Variants in UNC13B observed in about 807,000 individuals in gnomAD.
The protein encoded by UNC13B is protein unc-13 homolog B.
Under a neutral mutation model 211.0 loss-of-function variants are expected in UNC13B, and 144 were observed. The observed-to-expected ratio is 0.68, with a 90% confidence interval of 0.60 to 0.78. UNC13B has a LOEUF of 0.78. UNC13B is among the 30% of genes least tolerant of loss of function. The pLI is 0.00. For missense variants in UNC13B, 1,777 were observed against 2,002.0 expected, an observed-to-expected ratio of 0.89 and a Z score of 2.14; for synonymous variants, 709 against 725.8, an observed-to-expected ratio of 0.98 and a Z score of 0.37.
At chr9:35,385,910 G>C (rs1835158855) in intron 23 of UNC13B, 97 bp downstream of exon 23, 1 of 1,492,114 alleles carries the variant, frequency 6.7e-7, no homozygotes, top group Non-Finnish European at 9.1e-7. Context: ...GAGGCTACAG[G>C]ATTCATCACC....
chr9:35,400,422 G>C lies in UNC13B; in HGVS notation c.12463G>C (p.Val4155Leu). 1 of 1,613,404 alleles carries C rather than the reference G, an allele frequency of 6.2e-7. No individual in the cohort carries two copies. Among genetic ancestry groups the C allele is most frequent in the Non-Finnish European group, 8.5e-7 (1 of 1,179,680 alleles). The change falls in exon 37 of 40, where the codon GTG (valine) becomes CTG (leucine). Residue 4155 changes from valine (V) to leucine (L), a missense_variant. Transcript: ENST00000635942. ...TACTGACACTCTCATCAAGACCTTT[G>C]TGCGCTCGCAGACCACCCAAGGTAA... ...QTTDTLIKTF[V>L]RSQTTQGSGV...
Position 35,282,138 on chromosome 9 carries a change from A to G in UNC13B, c.527-13558A>G, listed in dbSNP as rs532769329. On this transcript the variant is annotated intron_variant, in intron 7 of 39. Transcript: ENST00000635942. ...CTGCATTAAAAATCTTTTTAATGGT[A>G]GAATATAACACAGATATATAGACAA... 2.0e-5 allele frequency among the ~76,000 whole-genome samples: 3 copies of G among 152,358 alleles called. No individual in the cohort carries two copies. The South Asian group carries it at 6.2e-4, about 32-fold the overall frequency.
At position 35,308,203 on chromosome 9, in the gene UNC13B, A is replaced by G. The variant is rs1329058237; in HGVS notation, c.8799A>G (p.Ala2933=). 2.5e-6 allele frequency: 1 copy of G among 399,668 alleles called. No homozygotes were observed. Among genetic ancestry groups the G allele is most frequent in the East Asian group, 3.6e-5 (1 of 28,112 alleles). The allele number at this position is 399,668 out of a possible 1,614,324, so 24.8% of individuals were successfully genotyped here. Residue 2933 remains alanine (A), a synonymous_variant, in exon 9 of 40, where the codon GCA becomes GCG. Transcript: ENST00000635942. The stretch of plus-strand genomic sequence containing the variant: ...GGGGAAACCAGCAGGAAATCTCAGC[A>G]TCTGGAGAACACTGGGATACCAAAG... ...GEGGNQQEIS[A]SGEHWDTKAN...
rs1836540299 is a variant in UNC13B, at chr9:35,404,243, G to A, written c.*210G>A. 3.2e-6 allele frequency: 2 copies of A among 634,658 alleles called. No individual in the cohort carries two copies. The highest frequency in any genetic ancestry group is 1.8e-5 in the African/African-American group (1 of 54,724). 39.3% of individuals were successfully genotyped at this position (634,658 alleles called of 1,614,324 possible). A position where few individuals can be genotyped will look rare whatever the true frequency, so the allele number is the denominator to read the frequency against. ...GGCCCAACAGGACTGTGGTACTAGG[G>A]GCTGGGATGTGGGGTTACCACATGG... is the stretch of plus-strand genomic sequence containing the variant. On this transcript the variant is annotated 3_prime_UTR_variant, in exon 40 of 40. Transcript: ENST00000635942.
chr9:35,271,175 A>G (rs913802949), intron 7 of UNC13B, among the ~76,000 whole-genome samples: 1 of 148,534 alleles, frequency 6.7e-6, no homozygotes, highest in Non-Finnish European at 1.5e-5. Flanking sequence ...TTCTCCCCCC[A>G]TTAAATTGCC....
chr9:35,331,066 A>T (rs1346663746), intron 11 of UNC13B, among the ~76,000 whole-genome samples: 1 of 152,164 alleles, frequency 6.6e-6, no homozygotes, highest in Non-Finnish European at 1.5e-5. Flanking sequence ...AGTAATAAGC[A>T]AAGCATCCTT....
chr9:35,249,148 G>A (rs1269862976), intron 6 of UNC13B, among the ~76,000 whole-genome samples: 1 of 152,122 alleles, frequency 6.6e-6, no homozygotes, highest in African/African-American at 2.4e-5. Flanking sequence ...TTGGTTTAAA[G>A]TCTGTTTTAT....
chr9:35,403,115 T>C, intron 37 of UNC13B, 52 bp from the exon 38 acceptor site: 1 of 1,582,502 alleles, frequency 6.3e-7, no homozygotes. Flanking sequence ...ACCCCTCAGG[T>C]TTACCTCCTA....
At chr9:35,279,455 GT>G (rs943441964) in intron 7 of UNC13B, among the ~76,000 whole-genome samples, 16 of 151,494 alleles carry the variant, frequency 1.1e-4, no homozygotes, top group Admixed American at 2.0e-4. Flanking sequence ...GATGAAATAT[GT>G]TTTTTTTTAA....
At chr9:35,274,186 T>C (rs1828045141) in intron 7 of UNC13B, among the ~76,000 whole-genome samples, 1 of 152,194 alleles carries the variant, frequency 6.6e-6, no homozygotes, top group East Asian at 1.9e-4. Flanking sequence ...TCAGGAGATA[T>C]ATCTCTTAGA....
intron 11 of UNC13B, among the ~76,000 whole-genome samples, chr9:35,365,241 CT>C (rs897429370): frequency 1.3e-5 from 2 of 152,204 alleles, no homozygotes; most frequent in African/African-American, 4.8e-5. Context: ...ACTGTGAATC[CT>C]CCTCAGATGA....
intron 1 of UNC13B, among the ~76,000 whole-genome samples, chr9:35,217,382 T>G (rs187219712): frequency 6.6e-6 from 1 of 151,586 alleles, no homozygotes; most frequent in Admixed American, 6.6e-5. Context: ...ATTTCTTGTT[T>G]GTTTGTTTTT....
intron 7 of UNC13B, among the ~76,000 whole-genome samples, chr9:35,265,528 ATGT>A (rs1827520063): frequency 6.6e-6 from 1 of 152,240 alleles, no homozygotes; most frequent in Admixed American, 6.5e-5. Context: ...TGTATACACT[ATGT>A]AAATGCATCT....
At chr9:35,287,616 T>G (rs923259328) in intron 7 of UNC13B, among the ~76,000 whole-genome samples, 1 of 152,254 alleles carries the variant, frequency 6.6e-6, no homozygotes, top group Non-Finnish European at 1.5e-5. Flanking sequence ...CTTCATATAG[T>G]CTTTTTTTCT....
chr9:35,385,441 T>A, intron 22 of UNC13B: 2 of 985,482 alleles, frequency 2.0e-6, no homozygotes, highest in Non-Finnish European at 2.4e-6. Flanking sequence ...TGTGCCTGTG[T>A]GTTCCTTTGT....
chr9:35,353,746 G>GA, intron 11 of UNC13B: 1 of 1,232,048 alleles, frequency 8.1e-7, no homozygotes, highest in South Asian at 4.1e-5. Flanking sequence ...GACTAAGGCA[G>GA]AAAAAACTTC....
At chr9:35,369,559 A>G (rs1438080809) in intron 12 of UNC13B, among the ~76,000 whole-genome samples, 1 of 152,248 alleles carries the variant, frequency 6.6e-6, no homozygotes, top group Non-Finnish European at 1.5e-5. Flanking sequence ...AAGGTGTAAA[A>G]GTTTTAGAAA....
At chr9:35,253,687 G>C (rs1002254428) in intron 6 of UNC13B, among the ~76,000 whole-genome samples, 1 of 152,138 alleles carries the variant, frequency 6.6e-6, no homozygotes, top group African/African-American at 2.4e-5. Context: ...TTACAGAGTT[G>C]GATTGTACCA....
intron 1 of UNC13B, among the ~76,000 whole-genome samples, chr9:35,198,902 G>A (rs1823101048): frequency 6.6e-6 from 1 of 152,148 alleles, no homozygotes; most frequent in Non-Finnish European, 1.5e-5. Flanking sequence ...GGGTACATGT[G>A]CACAACGTGC....
Sources: allele counts gnomAD v4.1 joint callset (sites outside exome capture counted in the v4.1 genomes callset), GRCh38; gene constraint gnomAD v4.1.1; transcripts MANE v1.5; gene names NCBI Gene and HGNC (gene_info 2026-07-23, HGNC 2026-07-21).